ANKMY1: variants seen among roughly 807,000 people sequenced by gnomAD.
ANKMY1 encodes ankyrin repeat and MYND domain containing 1.
In ANKMY1, 98 loss-of-function variants were observed where a neutral mutation model predicts 102.0. The observed-to-expected ratio is 0.96, with a 90% CI of 0.82 to 1.14. The LOEUF is 1.14. Among genes scored for constraint, ANKMY1 ranks in the 50% most tolerant of loss-of-function variants. ANKMY1 has a pLI of 0.00. For synonymous variants in ANKMY1, 582 were observed against 559.9 expected (o/e 1.04, Z -0.56); for missense variants, 1,330 against 1,347.6 (o/e 0.99, Z 0.20).
intron 13 of ANKMY1, 58 bp from the exon 14 acceptor site, chr2:240,500,623 G>A (rs964411225): frequency 1.5e-5 from 22 of 1,491,774 alleles, no homozygotes; most frequent in Middle Eastern, 3.4e-4. Context: ...TGGGAGCAGC[G>A]GAAGCACCGC....
Position 240,520,343 on chromosome 2 carries a change from C to G in ANKMY1, c.2004+19G>C. 6.6e-7 allele frequency: 1 copy of G among 1,518,688 alleles called. No homozygotes were observed. Among genetic ancestry groups the G allele is most frequent in the South Asian group, 1.2e-5 (1 of 81,384 alleles). 94.1% of individuals were successfully genotyped at this position (1,518,688 alleles called of 1,614,324 possible). A position where few individuals can be genotyped will look rare whatever the true frequency, so the allele number is the denominator to read the frequency against. Reference sequence around the variant, plus strand: ...AGTCTGCTGCGCTCGTCCCGGCGCCCGCCCGCCGCGGCTCCTACCTGCGGC... The same window carrying G: ...AGTCTGCTGCGCTCGTCCCGGCGCCGGCCCGCCGCGGCTCCTACCTGCGGC... On this transcript the variant is annotated intron_variant, in intron 9 of 17. Coordinates refer to ENST00000401804, the MANE Select transcript of ANKMY1 (RefSeq NM_001282771.3). This position sits in a 1 kb window ranked among gnomAD's most constrained non-coding sequence, Gnocchi z 4.8.
At chr2:240,503,493 G>A (rs1049584512) in intron 13 of ANKMY1, among the ~76,000 whole-genome samples, 5 of 152,124 alleles carry the variant, frequency 3.3e-5, no homozygotes, top group Admixed American at 6.5e-5. Flanking sequence ...TCCAAATGGC[G>A]GGGCCCAGGG....
rs768286984 is a variant in ANKMY1, at chr2:240,499,916, C to T, written c.2806+42G>A. 5.3e-5 allele frequency: 83 copies of T among 1,568,034 alleles called. No homozygotes were observed. Among genetic ancestry groups the T allele is most frequent in the Admixed American group, 1.1e-4 (6 of 56,270 alleles). On this transcript the variant is annotated intron_variant, in intron 15 of 17. Transcript: ENST00000401804. This position sits in a 1 kb window ranked among gnomAD's most constrained non-coding sequence, Gnocchi z 4.2. ...AACAGCCCCAGGCACGAGGCCGGAA[C>T]GCCGCCCTGTGGAGCAGAGCAGAGC...
chr2:240,539,259 G>A (rs183343584), intron 4 of ANKMY1, among the ~76,000 whole-genome samples: 4 of 152,270 alleles, frequency 2.6e-5, no homozygotes, highest in Non-Finnish European at 5.9e-5. Context: ...TGAGGCCAGC[G>A]AGACCACAAA....
At position 240,479,654 on chromosome 2, in the gene ANKMY1, C is replaced by T; in HGVS notation, c.3048G>A (p.Val1016=). 6.2e-7 allele frequency: 1 copy of T among 1,613,520 alleles called. No individual in the cohort carries two copies. Among genetic ancestry groups the T allele is most frequent in the Non-Finnish European group, 8.5e-7 (1 of 1,179,930 alleles). Residue 1016 remains valine (V), a splice_region_variant and synonymous_variant, in exon 18 of 18, where the codon GTG becomes GTA. Transcript: ENST00000401804. ...KKDCGDLVAI[V]TQLEQVSRRR... is the part of the protein sequence containing the mutation. ...TCCTGGAAACTTGCTCCAGTTGTGT[C>T]ACTGGAGGAGGAAAAGGTGTGGGGG...
chr2:240,509,250 T>C, intron 12 of ANKMY1, 98 bp downstream of exon 12: 3 of 1,022,668 alleles, frequency 2.9e-6, no homozygotes, highest in Non-Finnish European at 4.2e-6. Context: ...GATGGATAAA[T>C]GGCCAACAAC....
At chr2:240,486,024 A>G (rs1163137995) in intron 15 of ANKMY1, among the ~76,000 whole-genome samples, 3 of 152,222 alleles carry the variant, frequency 2.0e-5, no homozygotes, top group Admixed American at 2.0e-4. Flanking sequence ...CATTACATCT[A>G]TAAAGGTTAT....
intron 4 of ANKMY1, among the ~76,000 whole-genome samples, chr2:240,544,988 C>G (rs1169306743): frequency 3.9e-5 from 6 of 152,064 alleles, no homozygotes; most frequent in African/African-American, 9.7e-5. Flanking sequence ...CGGGAAGCTC[C>G]AACTGGGTGG....
upstream of ANKMY1, chr2:240,560,728 T>A: frequency 6.6e-7 from 1 of 1,522,310 alleles, no homozygotes; most frequent in Non-Finnish European, 8.7e-7. Flanking sequence ...GCCTCGCCCG[T>A]ACCTCCACCG....
At chr2:240,507,536 C>G (rs200108704) in intron 13 of ANKMY1, 24 bp downstream of exon 13, 2 of 1,590,170 alleles carry the variant, frequency 1.3e-6, no homozygotes, top group Non-Finnish European at 8.6e-7. Flanking sequence ...CTCACCAGGG[C>G]CACCCCAGCC....
chr2:240,482,083 G>A (rs2075460676), intron 16 of ANKMY1, 100 bp downstream of exon 16: 1 of 1,343,018 alleles, frequency 7.4e-7, no homozygotes, highest in Non-Finnish European at 1.0e-6. Context: ...CAGATGGCAT[G>A]GAGGCTGTCC....
the ANKMY1 span, among the ~76,000 whole-genome samples, chr2:240,470,889 A>G: frequency 1.3e-5 from 2 of 151,446 alleles, no homozygotes. Flanking sequence ...AAAGAAAAAC[A>G]AAGTGAGAGG....
At chr2:240,522,083 T>G (rs181254585) in intron 8 of ANKMY1, 4 of 152,354 alleles carry the variant, frequency 2.6e-5, no homozygotes, top group African/African-American at 7.2e-5. Flanking sequence ...GCCCACATCC[T>G]GCTGACTGGT....
chr2:240,517,633 GA>G (rs1226170276), intron 9 of ANKMY1, among the ~76,000 whole-genome samples: 1 of 152,026 alleles, frequency 6.6e-6, no homozygotes, highest in African/African-American at 2.4e-5. Flanking sequence ...AACATAGTAA[GA>G]CCCTGTCTTT....
intron 9 of ANKMY1, among the ~76,000 whole-genome samples, chr2:240,513,525 A>G (rs1328759820): frequency 6.6e-6 from 1 of 152,152 alleles, no homozygotes; most frequent in Non-Finnish European, 1.5e-5. Context: ...TCCCTTAAAG[A>G]CCAGCCTCGC....
At chr2:240,503,488 A>G (rs1407786480) in intron 13 of ANKMY1, among the ~76,000 whole-genome samples, 1 of 152,134 alleles carries the variant, frequency 6.6e-6, no homozygotes, top group Admixed American at 6.5e-5. Flanking sequence ...AGCCATCCAA[A>G]TGGCGGGGCC....
rs762322000 is a variant in ANKMY1, at chr2:240,529,374, T to C, written c.616A>G (p.Arg206Gly). 1.2e-6 allele frequency: 2 copies of C among 1,614,140 alleles called. No homozygotes were observed. Among genetic ancestry groups the C allele is most frequent in the Non-Finnish European group, 8.5e-7 (1 of 1,180,026 alleles). ...TQIPSGFSLLRYPEFSSFITH... is the reference protein window; with the variant it reads ...TQIPSGFSLLGYPEFSSFITH... ...ATGAAGCTGGAGAACTCAGGGTATC[T>C]GAGGAGGGAGAAGCCACTGGGGATC... The change falls in exon 5 of 18, where the codon AGA (arginine) becomes GGA (glycine). Residue 206 changes from arginine (R) to glycine (G), a missense_variant. Physicochemically the swap from Arg to Gly is moderately radical, Grantham distance 125. Coordinates refer to ENST00000401804, the MANE Select transcript of ANKMY1 (RefSeq NM_001282771.3). This position sits in a 1 kb window ranked among gnomAD's most constrained non-coding sequence, Gnocchi z 4.2.
At chr2:240,545,313 G>A (rs537509662) in intron 4 of ANKMY1, among the ~76,000 whole-genome samples, 1 of 152,254 alleles carries the variant, frequency 6.6e-6, no homozygotes, top group South Asian at 2.1e-4. Flanking sequence ...TCTGTTAGAA[G>A]GAAAACTAAC....
chr2:240,540,756 T>A (rs964342092), intron 4 of ANKMY1, among the ~76,000 whole-genome samples: 3 of 152,236 alleles, frequency 2.0e-5, no homozygotes, highest in African/African-American at 7.2e-5. Context: ...CAGCAGGACC[T>A]AGACTGAACC....
Sources: allele counts gnomAD v4.1 joint callset (sites outside exome capture counted in the v4.1 genomes callset), GRCh38; gene constraint gnomAD v4.1.1; non-coding constraint Gnocchi (gnomAD v3.1); transcripts MANE v1.5; gene names NCBI Gene and HGNC (gene_info 2026-07-23, HGNC 2026-07-21).